The following BYSL variants were observed in gnomAD, a reference collection of about 807,000 sequenced individuals.
BYSL encodes bystin like.
A neutral mutation model predicts 45.4 loss-of-function variants in BYSL; 21 were observed. That is an observed-to-expected ratio of 0.46 (90% confidence interval 0.33 to 0.67). The LOEUF (loss-of-function observed/expected upper bound fraction) is 0.67. BYSL is among the 30% of genes least tolerant of loss of function. BYSL has a pLI of 0.02. For missense variants in BYSL, 522 were observed against 578.5 expected, an observed-to-expected ratio of 0.90 and a Z score of 1.00; for synonymous variants, 215 against 231.3, an observed-to-expected ratio of 0.93 and a Z score of 0.64.
the BYSL span, among the ~76,000 whole-genome samples, chr6:41,916,010 G>A: frequency 2.6e-5 from 4 of 152,066 alleles, no homozygotes; most frequent in Non-Finnish European, 4.4e-5. Flanking sequence ...ACTTTGGGAA[G>A]CTGAGGCCAG....
intron 4 of BYSL, 52 bp downstream of exon 4, chr6:41,930,820 T>C: frequency 6.3e-7 from 1 of 1,575,416 alleles, no homozygotes; most frequent in Non-Finnish European, 8.6e-7. Context: ...CAGGCTGAGT[T>C]TGGGACGGAC....
chr6:41,909,241 C>A, the BYSL span: 2 of 1,606,984 alleles, frequency 1.2e-6, no homozygotes, highest in Non-Finnish European at 1.7e-6. Flanking sequence ...CTCAGAACAT[C>A]CTGCTCCTAT....
chr6:41,921,798 C>T lies in BYSL; in HGVS notation c.236C>T (p.Pro79Leu), dbSNP rs1470593792. The T allele has an allele frequency of 4.3e-6, 7 of 1,612,026 alleles. No homozygotes were observed. Among genetic ancestry groups the T allele is most frequent in the South Asian group, 1.1e-5 (1 of 90,986 alleles). The part of the protein sequence containing the change: ...LEAEHGTGDK[P>L]AAPRERTTRL... ...GCCGAGCATGGGACTGGGGACAAGCCCGCGGCGCCGCGGGAACGCACCACG... is the reference window on the plus strand; with the variant it reads ...GCCGAGCATGGGACTGGGGACAAGCTCGCGGCGCCGCGGGAACGCACCACG... Residue 79 changes from proline (P) to leucine (L), a missense_variant, in exon 1 of 7, where the codon CCC (proline) becomes CTC (leucine). Coordinates refer to ENST00000230340, the MANE Select transcript of BYSL (RefSeq NM_004053.4).
In BYSL at chr6:41,932,259, C is replaced by T; in HGVS notation, c.969-102C>T. ...CTGGGGAATACCATAGTGTAAGGGC[C>T]AGCAGAGGGGAAGAAAAAAAGGGGA... is the stretch of plus-strand genomic sequence containing the variant. On this transcript the variant is annotated intron_variant, in intron 6 of 6. Coordinates refer to ENST00000230340, the MANE Select transcript of BYSL (RefSeq NM_004053.4). The surrounding 1 kb of genome is among the most constrained non-coding windows in gnomAD (Gnocchi z 4.7). The T allele has an allele frequency of 8.7e-7, 1 of 1,151,730 alleles. No homozygotes were observed. The highest frequency in any genetic ancestry group is 1.3e-6 in the Non-Finnish European group (1 of 796,504). The allele number at this position is 1,151,730 out of a possible 1,614,324, so 71.3% of individuals were successfully genotyped here. A position where few individuals can be genotyped will look rare whatever the true frequency, so the allele number is the denominator to read the frequency against.
chr6:41,909,142 C>G, the BYSL span: 1 of 1,332,374 alleles, frequency 7.5e-7, no homozygotes, highest in Non-Finnish European at 1.0e-6. Context: ...CCATTGCATT[C>G]CAGCCTGGGT....
chr6:41,916,108 C>T, the BYSL span, among the ~76,000 whole-genome samples: 4 of 151,626 alleles, frequency 2.6e-5, no homozygotes, highest in African/African-American at 7.3e-5. Flanking sequence ...ATTAGCCAGG[C>T]GTGGTGGCTC....
Position 41,921,729 on chromosome 6 carries a change from G to T in BYSL, c.167G>T (p.Arg56Leu), listed in dbSNP as rs747616822. ...GAGTATGTGGGGCCCCGGCTGAGCCGACGGATTTTGCAGCAAGCACGGCAG... is the reference window on the plus strand; with the variant it reads ...GAGTATGTGGGGCCCCGGCTGAGCCTACGGATTTTGCAGCAAGCACGGCAG... ...EEEYVGPRLS[R>L]RILQQARQQQ... The change falls in exon 1 of 7, where the codon CGA (arginine) becomes CTA (leucine). Residue 56 changes from arginine (R) to leucine (L), a missense_variant. Physicochemically the swap from Arg to Leu is moderately radical, Grantham distance 102. Coordinates refer to ENST00000230340, the MANE Select transcript of BYSL (RefSeq NM_004053.4). 1.9e-6 allele frequency: 3 copies of T among 1,613,600 alleles called. No homozygotes were observed. The highest frequency in any genetic ancestry group is 1.3e-5 in the African/African-American group (1 of 75,008).
the BYSL span, among the ~76,000 whole-genome samples, chr6:41,911,902 C>A: frequency 6.6e-6 from 1 of 152,188 alleles, no homozygotes; most frequent in East Asian, 1.9e-4. Flanking sequence ...GTTCTGTCTA[C>A]TCACTGTAAT....
At position 41,921,792 on chromosome 6, in the gene BYSL, A is replaced by T; in HGVS notation, c.230A>T (p.Asp77Val). Residue 77 changes from aspartate (D) to valine (V), a missense_variant, in exon 1 of 7, where the codon GAC (aspartate) becomes GTC (valine). By Grantham distance (152) the Asp-to-Val change is radical (BLOSUM62 -3). Transcript: ENST00000230340. The part of the protein sequence containing the change: ...EELEAEHGTG[D>V]KPAAPRERTT... ...CTCGAGGCCGAGCATGGGACTGGGG[A>T]CAAGCCCGCGGCGCCGCGGGAACGC... 1.2e-6 allele frequency: 2 copies of T among 1,612,466 alleles called. No individual in the cohort carries two copies. Among genetic ancestry groups the T allele is most frequent in the Non-Finnish European group, 8.5e-7 (1 of 1,179,590 alleles).
intron 5 of BYSL, 32 bp from the exon 6 acceptor site, chr6:41,931,696 G>C (rs376511574): frequency 1.2e-6 from 2 of 1,608,612 alleles, no homozygotes; most frequent in Non-Finnish European, 1.7e-6. Flanking sequence ...CTCATCCTGG[G>C]CTCACAGTGG....
chr6:41,921,715 GC>G lies in BYSL; in HGVS notation c.157del (p.Arg53GlyfsTer2). 1 of 1,613,514 alleles carries G rather than the reference GC, an allele frequency of 6.2e-7. No individual in the cohort carries two copies. Among genetic ancestry groups the G allele is most frequent in the Non-Finnish European group, 8.5e-7 (1 of 1,179,852 alleles). ...TGEAEEEYVGPRLSRRILQQA... is the reference protein window; with the variant it reads ...TGEAEEEYVGXRLSRRILQQA... The stretch of plus-strand genomic sequence containing the variant: ...GAGAAGCGGAGGAAGAGTATGTGGG[GC>G]CCCGGCTGAGCCGACGGATTTTGCA... On this transcript the variant is annotated frameshift_variant, in exon 1 of 7. Coordinates refer to ENST00000230340, the MANE Select transcript of BYSL (RefSeq NM_004053.4). LOFTEE classifies it high-confidence loss of function.
Position 41,931,537 on chromosome 6 carries a change from A to G in BYSL, c.846A>G (p.Lys282=), listed in dbSNP as rs766134192. The G allele has an allele frequency of 6.2e-7, 1 of 1,614,144 alleles. No homozygotes were observed. ...TGGCTCTCAAGAAGGCCCTTTTCAA[A>G]CCTGGAGCCTGGTTCAAAGGTGGGA... ...LYMALKKALF[K]PGAWFKGILI... The change falls in exon 5 of 7, where the codon AAA becomes AAG. Residue 282 remains lysine (K), a synonymous_variant. Transcript: ENST00000230340.
intron 1 of BYSL, among the ~76,000 whole-genome samples, chr6:41,923,340 A>T (rs1207092437): frequency 1.4e-5 from 2 of 141,144 alleles, no homozygotes; most frequent in Non-Finnish European, 3.0e-5. Context: ...CCTGTCGCCC[A>T]GGCTGTAGTG....
Position 41,932,625 on chromosome 6 carries a change from A to T in BYSL, c.1233A>T (p.Pro411=). 6.2e-7 allele frequency: 1 copy of T among 1,614,204 alleles called. No homozygotes were observed. The highest frequency in any genetic ancestry group is 8.5e-7 in the Non-Finnish European group (1 of 1,180,018). ...LLELLRLQPH[P]QLSPEIRREL... Reference sequence around the variant, plus strand: ...AACTGCTCCGGCTGCAGCCCCATCCACAGCTATCGCCCGAAATCAGGCGTG... The same window carrying T: ...AACTGCTCCGGCTGCAGCCCCATCCTCAGCTATCGCCCGAAATCAGGCGTG... The change falls in exon 7 of 7, where the codon CCA becomes CCT. Residue 411 remains proline (P), a synonymous_variant. Transcript: ENST00000230340. The surrounding 1 kb of genome is among the most constrained non-coding windows in gnomAD (Gnocchi z 4.7).
intron 1 of BYSL, 31 bp downstream of exon 1, chr6:41,921,861 C>T: frequency 1.3e-6 from 2 of 1,595,932 alleles, no homozygotes; most frequent in Non-Finnish European, 1.7e-6. Context: ...CCGAGGAAGA[C>T]AGTGGCCAGT....
chr6:41,932,826 A>T lies in BYSL; in HGVS notation c.*120A>T. ...ACCCAGATCAGGGCAGTGACAGATCACAGGGACATCTGTGGCTCCCAGTCC... is the reference window on the plus strand; with the variant it reads ...ACCCAGATCAGGGCAGTGACAGATCTCAGGGACATCTGTGGCTCCCAGTCC... On this transcript the variant is annotated 3_prime_UTR_variant, in exon 7 of 7. Transcript: ENST00000230340. The surrounding 1 kb of genome is among the most constrained non-coding windows in gnomAD (Gnocchi z 4.7). The T allele has an allele frequency of 9.3e-7, 1 of 1,073,552 alleles. No homozygotes were observed. The highest frequency in any genetic ancestry group is 1.3e-6 in the Non-Finnish European group (1 of 760,300). 66.5% of individuals were successfully genotyped at this position (1,073,552 alleles called of 1,614,324 possible).
Position 41,932,409 on chromosome 6 carries a change from C to T in BYSL, c.1017C>T (p.Ser339=). ...IAEMEYSGAN[S]IFLRLLLDKK... ...AGATGGAATACAGCGGTGCCAACAG[C>T]ATCTTCCTGCGACTGCTGCTGGATA... Residue 339 remains serine (S), a synonymous_variant, in exon 7 of 7, where the codon AGC becomes AGT. Transcript: ENST00000230340. The surrounding 1 kb of genome is among the most constrained non-coding windows in gnomAD (Gnocchi z 4.7). 1 of 1,613,850 alleles carries T rather than the reference C, an allele frequency of 6.2e-7. No homozygotes were observed. Among genetic ancestry groups the T allele is most frequent in the Non-Finnish European group, 8.5e-7 (1 of 1,180,024 alleles).
the BYSL span, among the ~76,000 whole-genome samples, chr6:41,913,674 C>T: frequency 7.2e-5 from 11 of 152,022 alleles, no homozygotes; most frequent in South Asian, 2.1e-4. Context: ...CCAAGGTGGG[C>T]GGATCACAAG....
chr6:41,926,574 C>G lies in BYSL; in HGVS notation c.269-800C>G, dbSNP rs1424859361. On this transcript the variant is annotated intron_variant, in intron 1 of 6. Coordinates refer to ENST00000230340, the MANE Select transcript of BYSL (RefSeq NM_004053.4). The stretch of plus-strand genomic sequence containing the variant: ...CAAGTGATTCTCCTGCCTCAGCCTT[C>G]CAAATAGCTGGGACTACAGGCGCCC... Among the ~76,000 whole-genome samples the G allele has an allele frequency of 2.0e-5, 3 of 151,746 alleles. No homozygotes were observed. In the East Asian group the frequency reaches 5.9e-4, roughly 30 times the overall value.
Sources: gnomAD v4.1 joint callset for allele counts (sites outside exome capture counted in the v4.1 genomes callset) on GRCh38, gnomAD v4.1.1 for gene constraint, Gnocchi (gnomAD v3.1) non-coding constraint, MANE v1.5 for transcripts, NCBI Gene and HGNC (gene_info 2026-07-23, HGNC 2026-07-21) for gene names.